LARP1B: variants seen among roughly 807,000 people sequenced by gnomAD.
The protein encoded by LARP1B is La ribonucleoprotein 1B.
In LARP1B, 76 loss-of-function variants were observed where a neutral mutation model predicts 114.2. The observed-to-expected ratio is 0.67, with a 90% CI of 0.55 to 0.81. The LOEUF is 0.81. Among genes scored for constraint, LARP1B ranks in the 30% least tolerant of loss-of-function variants. The probability of loss-of-function intolerance (pLI) is 0.00; values close to 1 mark genes in which losing one functional copy is unlikely to be tolerated. For synonymous variants in LARP1B, 345 were observed against 348.0 expected, an observed-to-expected ratio of 0.99 and a Z score of 0.10; for missense variants, 1,014 against 1,075.8, an observed-to-expected ratio of 0.94 and a Z score of 0.80.
At chr4:128,188,056 T>C (rs2150755787) in intron 15 of LARP1B, among the ~76,000 whole-genome samples, 1 of 151,992 alleles carries the variant, frequency 6.6e-6, no homozygotes, top group South Asian at 2.1e-4. Flanking sequence ...CTTTCCTCTA[T>C]AATTTACCCA....
At chr4:128,072,398 GT>G (rs1203664392) in intron 1 of LARP1B, among the ~76,000 whole-genome samples, 1 of 152,032 alleles carries the variant, frequency 6.6e-6, no homozygotes, top group Non-Finnish European at 1.5e-5. Context: ...ATGGAGATAT[GT>G]TTTAAATTTT....
intron 12 of LARP1B, among the ~76,000 whole-genome samples, chr4:128,167,350 G>T (rs1050415733): frequency 3.3e-5 from 5 of 151,826 alleles, no homozygotes; most frequent in African/African-American, 1.2e-4. Context: ...TATACCTGTT[G>T]GCATTGTTAT....
chr4:128,155,692 C>G, intron 11 of LARP1B: 1 of 1,606,314 alleles, frequency 6.2e-7, no homozygotes, highest in Non-Finnish European at 8.5e-7. Context: ...ACAGATCAGC[C>G]CGGAGGAAGA....
rs201427204 is a variant in LARP1B at position 128,126,995 on chromosome 4, A to G, written c.1524+4807A>G. On this transcript the variant is annotated intron_variant, in intron 11 of 19. Transcript: ENST00000326639. ...AGAGGTGTCAGAGTTTAGCCAGAAA[A>G]AAAAGAGATTACTTTCAAGAAAGAA... Among the ~76,000 whole-genome samples the G allele has an allele frequency of 1.6e-3, 250 of 152,298 alleles. 4 individuals carry two copies. The highest frequency in any genetic ancestry group is 8.3e-3 in the South Asian group (40 of 4,826).
intron 8 of LARP1B, among the ~76,000 whole-genome samples, chr4:128,105,909 T>C (rs1343818516): frequency 3.3e-5 from 5 of 151,806 alleles, no homozygotes; most frequent in African/African-American, 1.2e-4. Flanking sequence ...AAAATAATAA[T>C]AATAAAAAAA....
At chr4:128,074,792 T>C in intron 2 of LARP1B, 142 bp from the exon 3 acceptor site, 1 of 583,792 alleles carries the variant, frequency 1.7e-6, no homozygotes, top group Non-Finnish European at 3.0e-6. Flanking sequence ...TGCAGAAACT[T>C]TTTGATTAAT....
At position 128,211,598 on chromosome 4, in the gene LARP1B, A is replaced by G. The variant is rs933976779; in HGVS notation, c.*1545A>G. On this transcript the variant is annotated 3_prime_UTR_variant, in exon 20 of 20. Transcript: ENST00000326639. Reference sequence around the variant, plus strand: ...TTGTAAAGAGGGTGCAAAACAAGCAATGGGTTAGAATAATAGATCTTCAAG... The same window carrying G: ...TTGTAAAGAGGGTGCAAAACAAGCAGTGGGTTAGAATAATAGATCTTCAAG... 1.8e-5 allele frequency: 17 copies of G among 956,960 alleles called. No individual in the cohort carries two copies. Among genetic ancestry groups the G allele is most frequent in the African/African-American group, 5.3e-5 (3 of 56,724 alleles). The allele number at this position is 956,960 out of a possible 1,614,324, so 59.3% of individuals were successfully genotyped here.
chr4:128,139,959 T>G (rs572346669), intron 11 of LARP1B, among the ~76,000 whole-genome samples: 1 of 152,212 alleles, frequency 6.6e-6, no homozygotes, highest in African/African-American at 2.4e-5. Context: ...TTGCATTGTT[T>G]AGTAGACATT....
At chr4:128,129,242 C>T (rs1392355420) in intron 11 of LARP1B, among the ~76,000 whole-genome samples, 1 of 139,426 alleles carries the variant, frequency 7.2e-6, no homozygotes, top group Admixed American at 7.4e-5. Flanking sequence ...GTAGTCCCAG[C>T]TACTGGAGAG....
chr4:128,162,253 A>G lies in LARP1B; in HGVS notation c.1584A>G (p.Leu528=). 6.2e-7 allele frequency: 1 copy of G among 1,613,040 alleles called. No individual in the cohort carries two copies. ...TTAGTAAAGAGCAGTTTGAAAACCT[A>G]ACACCTGAACTTCCTTTTGAGCCAA... The part of the protein sequence containing the change: ...NLISKEQFEN[L]TPELPFEPNQ... Residue 528 remains leucine, a synonymous_variant, in exon 12 of 20, where the codon CTA becomes CTG. Coordinates refer to ENST00000326639, the MANE Select transcript of LARP1B (RefSeq NM_018078.4).
At chr4:128,062,303 G>A (rs1035711856) in intron 1 of LARP1B, 3 of 983,670 alleles carry the variant, frequency 3.0e-6, no homozygotes, top group Non-Finnish European at 3.6e-6. Context: ...CGGCGGTAGC[G>A]GGCACCAGGC....
At chr4:128,084,784 ATTGATTAATATTAACT>A (rs1396217544) in intron 5 of LARP1B, among the ~76,000 whole-genome samples, 1 of 152,132 alleles carries the variant, frequency 6.6e-6, no homozygotes, top group Non-Finnish European at 1.5e-5. Context: ...TGATTACAAC[ATTGATTAATATTAACT>A]TTGATTACCC....
At chr4:128,102,333 G>T (rs184452357) in intron 8 of LARP1B, among the ~76,000 whole-genome samples, 2 of 152,218 alleles carry the variant, frequency 1.3e-5, no homozygotes, top group Admixed American at 6.5e-5. Flanking sequence ...TATTTCCTAG[G>T]GTTGTCATGA....
intron 11 of LARP1B, among the ~76,000 whole-genome samples, chr4:128,131,179 A>G (rs997452833): frequency 1.8e-4 from 27 of 152,130 alleles, no homozygotes; most frequent in Non-Finnish European, 3.7e-4. Flanking sequence ...GTTTTCATCT[A>G]TTGTAACTAA....
chr4:128,082,577 TCCATTCTGGGATCAC>T (rs1254111476), intron 5 of LARP1B, among the ~76,000 whole-genome samples: 5 of 152,244 alleles, frequency 3.3e-5, no homozygotes, highest in African/African-American at 1.2e-4. Context: ...GCTCCAAGGA[TCCATTCTGGGATCAC>T]CCATTTAATT....
intron 1 of LARP1B, among the ~76,000 whole-genome samples, chr4:128,073,098 G>C (rs1045216608): frequency 6.6e-6 from 1 of 152,018 alleles, no homozygotes; most frequent in African/African-American, 2.4e-5. Flanking sequence ...ATACATTTTA[G>C]ATGACAGATT....
At position 128,082,228 on chromosome 4, in the gene LARP1B, C is replaced by T. The variant is rs773429863; in HGVS notation, c.281C>T (p.Pro94Leu). The change falls in exon 5 of 20, where the codon CCT becomes CTT. Residue 94 changes from proline to leucine, a missense_variant. By Grantham distance (98) the Pro-to-Leu change is moderately conservative. Transcript: ENST00000326639. ...GTAAGATCAGAGAGTCAAGAAAGAC[C>T]TGGATCCCGGAACAGCTCAAGATGT... ...DVVRSESQERPGSRNSSRCQP... is the reference protein window; with the variant it reads ...DVVRSESQERLGSRNSSRCQP... 6.2e-7 allele frequency: 1 copy of T among 1,613,176 alleles called. No individual in the cohort carries two copies. The highest frequency in any genetic ancestry group is 8.5e-7 in the Non-Finnish European group (1 of 1,179,816).
At chr4:128,062,463 G>C (rs1420461115) in intron 1 of LARP1B, among the ~76,000 whole-genome samples, 1 of 152,324 alleles carries the variant, frequency 6.6e-6, no homozygotes, top group African/African-American at 2.4e-5. Context: ...ATGGGGGCAC[G>C]GAGGTGGTAG....
At chr4:128,109,780 T>C (rs1316554390) in intron 9 of LARP1B, among the ~76,000 whole-genome samples, 1 of 151,930 alleles carries the variant, frequency 6.6e-6, no homozygotes, top group African/African-American at 2.4e-5. Context: ...ACATAAAATA[T>C]ATAATCCTTT....
Sources: allele counts gnomAD v4.1 joint callset (sites outside exome capture counted in the v4.1 genomes callset), GRCh38; gene constraint gnomAD v4.1.1; transcripts MANE v1.5; gene names NCBI Gene and HGNC (gene_info 2026-07-23, HGNC 2026-07-21).